Variants in ADK observed in about 807,000 individuals in gnomAD.
The protein encoded by ADK is adenosine kinase, also known as N6,N6-dimethyladenosine kinase.
ADK carries 24 observed loss-of-function variants against 44.7 expected under a neutral mutation model. The ratio of observed to expected loss-of-function variants is 0.54; its 90% CI spans 0.39 to 0.76. The LOEUF (loss-of-function observed/expected upper bound fraction) is 0.76. Ranked by LOEUF, ADK falls within the 30% of genes least tolerant of loss-of-function variation. ADK has a pLI of 0.00. For missense variants in ADK, 321 were observed against 425.1 expected (o/e 0.76, Z 2.15); for synonymous variants, 128 against 142.6 (o/e 0.90, Z 0.73).
intron 9 of ADK, among the ~76,000 whole-genome samples, chr10:74,649,637 AC>A (rs376748397): frequency 6.6e-6 from 1 of 152,130 alleles, no homozygotes; most frequent in African/African-American, 2.4e-5. Flanking sequence ...AAAAAAAAAA[AC>A]AAATTCTGTC....
At chr10:74,406,136 A>G (rs1843916139) in intron 6 of ADK, among the ~76,000 whole-genome samples, 1 of 152,172 alleles carries the variant, frequency 6.6e-6, no homozygotes, top group Non-Finnish European at 1.5e-5. Context: ...CCCATCTCTC[A>G]GAGATACGTA....
Position 74,222,208 on chromosome 10 carries a change from A to G in ADK, c.141-2330A>G, listed in dbSNP as rs1844338955. Among the ~76,000 whole-genome samples the G allele has an allele frequency of 2.0e-5, 3 of 152,344 alleles. No homozygotes were observed. The East Asian group carries it at 5.8e-4, about 29-fold the overall frequency. ...ATCAAAAAGTGGGTGAAGGACATGA[A>G]CAGACACTTCTCAAAAGAAGACATT... On this transcript the variant is annotated intron_variant, in intron 2 of 10. Transcript: ENST00000539909.
chr10:74,603,422 C>T (rs553528112), intron 9 of ADK, among the ~76,000 whole-genome samples: 156 of 152,138 alleles, frequency 1.0e-3, no homozygotes, highest in African/African-American at 3.5e-3. Context: ...CCCCACCCCC[C>T]GACAGGCCCT....
At chr10:74,290,560 A>G (rs949641621) in intron 3 of ADK, among the ~76,000 whole-genome samples, 15 of 152,044 alleles carry the variant, frequency 9.9e-5, no homozygotes, top group African/African-American at 3.4e-4. Flanking sequence ...ATCTAGTAAG[A>G]TGTTAAATGC....
chr10:74,705,552 T>C (rs1214181607), intron 10 of ADK, among the ~76,000 whole-genome samples: 1 of 152,222 alleles, frequency 6.6e-6, no homozygotes, highest in Non-Finnish European at 1.5e-5. Context: ...CTCATCCCCT[T>C]TTGGATTGTT....
intron 8 of ADK, among the ~76,000 whole-genome samples, chr10:74,596,462 C>T (rs1851929167): frequency 6.6e-6 from 1 of 152,174 alleles, no homozygotes; most frequent in Admixed American, 6.5e-5. Context: ...GGTCTCAGCT[C>T]ACTGCAACCT....
chr10:74,665,775 GAGAGAGACAGAC>G (rs1854929363), intron 9 of ADK, among the ~76,000 whole-genome samples: 2 of 146,220 alleles, frequency 1.4e-5, no homozygotes, highest in African/African-American at 5.2e-5. Flanking sequence ...GAGAGAGAGA[GAGAGAGACAGAC>G]AGACAGAAGG....
chr10:74,444,365 A>G (rs1259152472), intron 6 of ADK, among the ~76,000 whole-genome samples: 1 of 152,112 alleles, frequency 6.6e-6, no homozygotes, highest in Non-Finnish European at 1.5e-5. Context: ...TCTGTTTTCT[A>G]TTAAACACAT....
chr10:74,649,219 CA>C (rs1318924209), intron 9 of ADK, among the ~76,000 whole-genome samples: 1 of 151,420 alleles, frequency 6.6e-6, no homozygotes, highest in Non-Finnish European at 1.5e-5. Flanking sequence ...TCTCAAAAAA[CA>C]AAAAAAGAAA....
intron 10 of ADK, among the ~76,000 whole-genome samples, chr10:74,693,082 A>G (rs775958054): frequency 2.6e-5 from 4 of 152,202 alleles, no homozygotes; most frequent in Non-Finnish European, 4.4e-5. Context: ...AATGGTGTAT[A>G]TTATTATATT....
intron 3 of ADK, among the ~76,000 whole-genome samples, chr10:74,227,375 A>G (rs564393797): frequency 1.3e-5 from 2 of 152,328 alleles, no homozygotes; most frequent in African/African-American, 4.8e-5. Context: ...AAGAGTACCA[A>G]TAAGAGAGTA....
intron 9 of ADK, among the ~76,000 whole-genome samples, chr10:74,617,949 G>A (rs917220326): frequency 3.9e-5 from 6 of 152,152 alleles, no homozygotes; most frequent in Middle Eastern, 3.4e-3. Context: ...TAATTCTCAC[G>A]TCTTCCTGAT....
At chr10:74,230,402 C>T (rs1445841821) in intron 3 of ADK, among the ~76,000 whole-genome samples, 1 of 151,822 alleles carries the variant, frequency 6.6e-6, no homozygotes, top group Non-Finnish European at 1.5e-5. Context: ...CAGTACTAGA[C>T]CAGAAACCAA....
rs1017843334 is a variant in ADK at position 74,667,637 on chromosome 10, A to G, written c.878-2546A>G. Reference sequence around the variant, plus strand: ...AACCTCCACTTCCTGGGTTTAAGCAATTCTCCTGCCTCAGCCTCCAGAGTA... The same window carrying G: ...AACCTCCACTTCCTGGGTTTAAGCAGTTCTCCTGCCTCAGCCTCCAGAGTA... On this transcript the variant is annotated intron_variant, in intron 9 of 10. Transcript: ENST00000539909. Among the ~76,000 whole-genome samples the G allele has an allele frequency of 2.0e-5, 3 of 151,452 alleles. No homozygotes were observed. The East Asian group carries it at 5.8e-4, about 29-fold the overall frequency.
intron 7 of ADK, among the ~76,000 whole-genome samples, chr10:74,539,705 A>G (rs940268367): frequency 2.0e-5 from 3 of 152,202 alleles, no homozygotes; most frequent in African/African-American, 2.4e-5. Context: ...AGAAAAAAAA[A>G]CAAAAACTTA....
intron 6 of ADK, among the ~76,000 whole-genome samples, chr10:74,406,901 G>A (rs1433673648): frequency 6.6e-6 from 1 of 151,432 alleles, no homozygotes; most frequent in Non-Finnish European, 1.5e-5. Flanking sequence ...GGCTGGTCCT[G>A]AACTCCTGAC....
At chr10:74,649,379 A>G (rs1854173708) in intron 9 of ADK, among the ~76,000 whole-genome samples, 1 of 152,014 alleles carries the variant, frequency 6.6e-6, no homozygotes, top group African/African-American at 2.4e-5. Flanking sequence ...TATTTCCAAC[A>G]CTTTAGGAGG....
intron 6 of ADK, among the ~76,000 whole-genome samples, chr10:74,444,525 G>A (rs1009822204): frequency 1.3e-5 from 2 of 151,926 alleles, no homozygotes; most frequent in African/African-American, 2.4e-5. Context: ...AGAGTATTTC[G>A]AAGTGTTTAT....
intron 7 of ADK, among the ~76,000 whole-genome samples, chr10:74,541,109 G>A (rs1849612239): frequency 6.6e-6 from 1 of 152,052 alleles, no homozygotes; most frequent in South Asian, 2.1e-4. Context: ...CCACCTTCCG[G>A]GTTCAAGCAA....
Sources: gnomAD v4.1 joint callset for allele counts (sites outside exome capture counted in the v4.1 genomes callset) on GRCh38, gnomAD v4.1.1 for gene constraint, MANE v1.5 for transcripts, NCBI Gene and HGNC (gene_info 2026-07-23, HGNC 2026-07-21) for gene names.